Variants in PDE4D observed in about 807,000 individuals in gnomAD.
The protein encoded by PDE4D is 3',5'-cyclic-AMP phosphodiesterase 4D.
Under a neutral mutation model 87.4 loss-of-function variants are expected in PDE4D, and 24 were observed. The ratio of observed to expected loss-of-function variants is 0.27; its 90% confidence interval spans 0.20 to 0.39. The LOEUF is 0.39. Ranked by LOEUF, PDE4D falls within the 10% of genes least tolerant of loss-of-function variation. PDE4D has a pLI of 1.00. For synonymous variants in PDE4D, 384 were observed against 383.2 expected, an observed-to-expected ratio of 1.00 and a Z score of -0.02; for missense variants, 714 against 1,041.0, an observed-to-expected ratio of 0.69 and a Z score of 4.32.
chr5:59,271,093 G>T (rs1029081117), intron 1 of PDE4D, among the ~76,000 whole-genome samples: 1 of 151,404 alleles, frequency 6.6e-6, no homozygotes, highest in African/African-American at 2.4e-5. Flanking sequence ...AGGCTGGAGT[G>T]CAGTGGCACG....
intron 1 of PDE4D, among the ~76,000 whole-genome samples, chr5:60,415,564 C>G (rs966294337): frequency 6.6e-6 from 1 of 152,248 alleles, no homozygotes; most frequent in Non-Finnish European, 1.5e-5. Context: ...CAGGCCGGCC[C>G]CGCCACCCCG....
At chr5:59,206,106 A>G (rs1355080854) in intron 2 of PDE4D, among the ~76,000 whole-genome samples, 3 of 152,210 alleles carry the variant, frequency 2.0e-5, no homozygotes, top group Non-Finnish European at 4.4e-5. Context: ...AGGAAAAACC[A>G]TAAAGTCTCA....
At chr5:60,283,913 A>G (rs926950065) in intron 1 of PDE4D, among the ~76,000 whole-genome samples, 2 of 147,164 alleles carry the variant, frequency 1.4e-5, no homozygotes, top group African/African-American at 2.5e-5. Context: ...CACTACTGGG[A>G]AAAAAAAAAA....
At chr5:59,251,843 G>A (rs1274212572) in intron 1 of PDE4D, among the ~76,000 whole-genome samples, 1 of 152,228 alleles carries the variant, frequency 6.6e-6, no homozygotes, top group East Asian at 1.9e-4. Context: ...ATACCATGCA[G>A]CCATAAAAAA....
intron 1 of PDE4D, among the ~76,000 whole-genome samples, chr5:59,733,117 T>C (rs763313799): frequency 6.6e-6 from 1 of 152,130 alleles, no homozygotes; most frequent in African/African-American, 2.4e-5. Context: ...ATAACACTTA[T>C]TTACAGGATG....
At chr5:59,889,646 G>C (rs940466650) in intron 1 of PDE4D, among the ~76,000 whole-genome samples, 15 of 152,006 alleles carry the variant, frequency 9.9e-5, no homozygotes, top group African/African-American at 3.6e-4. Flanking sequence ...TTATATTATT[G>C]AAAATAATAT....
intron 1 of PDE4D, among the ~76,000 whole-genome samples, chr5:59,496,067 G>T (rs1807127947): frequency 6.6e-6 from 1 of 152,140 alleles, no homozygotes; most frequent in Non-Finnish European, 1.5e-5. Context: ...ATGAGTACAA[G>T]GTTTTACTGA....
intron 2 of PDE4D, among the ~76,000 whole-genome samples, chr5:60,149,742 T>G (rs1436975466): frequency 6.6e-6 from 1 of 151,164 alleles, no homozygotes; most frequent in African/African-American, 2.4e-5. Context: ...GTTCCCTTCC[T>G]ATGCATTCTC....
At chr5:59,732,169 T>C (rs1285822831) in intron 1 of PDE4D, among the ~76,000 whole-genome samples, 3 of 152,122 alleles carry the variant, frequency 2.0e-5, no homozygotes, top group Admixed American at 6.6e-5. Flanking sequence ...TAATCATATC[T>C]AACCATTTCC....
intron 2 of PDE4D, among the ~76,000 whole-genome samples, chr5:60,118,248 C>T (rs1778342891): frequency 6.6e-6 from 1 of 152,060 alleles, no homozygotes; most frequent in Non-Finnish European, 1.5e-5. Context: ...ACTCAGTCAA[C>T]CCATTTCCCT....
intron 5 of PDE4D, among the ~76,000 whole-genome samples, chr5:59,171,905 T>C (rs1305188605): frequency 8.0e-6 from 1 of 125,078 alleles, no homozygotes; most frequent in Non-Finnish European, 1.6e-5. Context: ...TAAGCATATA[T>C]ATGAGAAATA....
intron 1 of PDE4D, among the ~76,000 whole-genome samples, chr5:59,736,390 T>C (rs953573353): frequency 6.6e-6 from 1 of 152,004 alleles, no homozygotes; most frequent in Non-Finnish European, 1.5e-5. Flanking sequence ...AAATAATTCT[T>C]ACAATTGGCC....
rs576770138 is a variant in PDE4D, at chr5:59,713,268, A to T, written c.455+179900T>A. Among the ~76,000 whole-genome samples the T allele has an allele frequency of 4.6e-5, 7 of 152,354 alleles. No individual in the cohort carries two copies. The South Asian group carries it at 1.4e-3, about 32-fold the overall frequency. On this transcript the variant is annotated intron_variant, in intron 1 of 14. Coordinates refer to ENST00000340635, the MANE Select transcript of PDE4D (RefSeq NM_001104631.2). Reference sequence around the variant, plus strand: ...AAGGAAAATGTATGCGCTGCAGTCAATAGGCTGAGGCAGACATCAGGTCCA... The same window carrying T: ...AAGGAAAATGTATGCGCTGCAGTCATTAGGCTGAGGCAGACATCAGGTCCA...
chr5:58,987,110 T>C (rs1746626646), intron 11 of PDE4D, among the ~76,000 whole-genome samples: 1 of 152,200 alleles, frequency 6.6e-6, no homozygotes. Context: ...CAGCATGCAC[T>C]GTATTGCATG....
In PDE4D at chr5:59,893,296, G is replaced by A; in HGVS notation, c.327C>T (p.Tyr109=). 6.5e-7 allele frequency: 1 copy of A among 1,536,986 alleles called. No individual in the cohort carries two copies. The highest frequency in any genetic ancestry group is 8.8e-7 in the Non-Finnish European group (1 of 1,140,544). The part of the protein sequence containing the change: ...GATGRVRHRG[Y]SDTERYLYCR... The stretch of plus-strand genomic sequence containing the variant: ...AGTACAGGTAGCGCTCGGTGTCCGA[G>A]TAGCCGCGATGCCGGACGCGGCCGG... The change falls in exon 1 of 15, where the codon TAC becomes TAT. Residue 109 remains tyrosine (Y), a synonymous_variant. Coordinates refer to ENST00000340635, the MANE Select transcript of PDE4D (RefSeq NM_001104631.2).
At chr5:59,986,567 T>C (rs150987587) in intron 3 of PDE4D, 155 of 152,320 alleles carry the variant, frequency 1.0e-3, no homozygotes, top group African/African-American at 3.7e-3. Flanking sequence ...TCCACAAGTG[T>C]GAAGAAAGTA....
chr5:59,106,617 G>A (rs567786042), intron 5 of PDE4D, among the ~76,000 whole-genome samples: 8 of 152,178 alleles, frequency 5.3e-5, no homozygotes, highest in African/African-American at 1.4e-4. Context: ...AAAATCAGCC[G>A]GGCGTGGTGG....
chr5:59,713,740 C>A (rs12188131), intron 1 of PDE4D, among the ~76,000 whole-genome samples: 1 of 152,018 alleles, frequency 6.6e-6, no homozygotes, highest in Non-Finnish European at 1.5e-5. Context: ...GGGTACCCCA[C>A]GAGCACGGAG....
intron 6 of PDE4D, among the ~76,000 whole-genome samples, chr5:59,022,362 C>T (rs532355573): frequency 1.4e-3 from 212 of 152,226 alleles, no homozygotes; most frequent in African/African-American, 4.7e-3. Flanking sequence ...CTGCCTAATA[C>T]GTCTTTCCTC....
Sources: gnomAD v4.1 joint callset for allele counts (sites outside exome capture counted in the v4.1 genomes callset) on GRCh38, gnomAD v4.1.1 for gene constraint, MANE v1.5 for transcripts, NCBI Gene and HGNC (gene_info 2026-07-23, HGNC 2026-07-21) for gene names.